The following DGKZ variants were observed in gnomAD, a reference collection of about 807,000 sequenced individuals.
The protein encoded by DGKZ is DAG kinase zeta.
A neutral mutation model predicts 142.5 loss-of-function variants in DGKZ; 45 were observed. The observed-to-expected ratio is 0.32, with a 90% CI of 0.25 to 0.40. The LOEUF is 0.40. Ranked by LOEUF, DGKZ falls within the 10% of genes least tolerant of loss-of-function variation. The probability of loss-of-function intolerance (pLI) is 1.00; values close to 1 mark genes in which losing one functional copy is unlikely to be tolerated. For synonymous variants in DGKZ, 442 were observed against 527.0 expected, an observed-to-expected ratio of 0.84 and a Z score of 2.21; for missense variants, 755 against 1,306.5, an observed-to-expected ratio of 0.58 and a Z score of 6.51.
intron 22 of DGKZ, 58 bp downstream of exon 22, chr11:46,376,203 G>C (rs1944509533): frequency 6.2e-7 from 1 of 1,607,510 alleles, no homozygotes; most frequent in Non-Finnish European, 8.5e-7. Flanking sequence ...AGTGAGGCCA[G>C]GCCTCTTCCT....
Position 46,367,580 on chromosome 11 carries a change from G to T in DGKZ, c.271-72G>T. ...GAGTGGGTTTGTCTTGGGAGAGGGC[G>T]GGTGGGCGGGGGCTGATGGGAGGGA... On this transcript the variant is annotated intron_variant, in intron 2 of 30. Coordinates refer to ENST00000527911, the Ensembl canonical transcript of DGKZ. This position sits in a 1 kb window ranked among gnomAD's most constrained non-coding sequence, Gnocchi z 4.1. 1 of 1,228,532 alleles carries T rather than the reference G, an allele frequency of 8.1e-7. No homozygotes were observed. The highest frequency in any genetic ancestry group is 1.1e-6 in the Non-Finnish European group (1 of 913,954). 76.1% of individuals were successfully genotyped at this position (1,228,532 alleles called of 1,614,324 possible).
chr11:46,334,337 C>T (rs1939907044), intron 1 of DGKZ, among the ~76,000 whole-genome samples: 1 of 152,224 alleles, frequency 6.6e-6, no homozygotes. Flanking sequence ...AGAGTGACCT[C>T]CCCTGGAGAG....
At chr11:46,374,525 C>T in intron 16 of DGKZ, 71 bp downstream of exon 16, 1 of 1,611,864 alleles carries the variant, frequency 6.2e-7, no homozygotes, top group South Asian at 1.1e-5. Flanking sequence ...CCTGTGTCCA[C>T]CAGGCCCCAG....
intron 1 of DGKZ, among the ~76,000 whole-genome samples, chr11:46,352,748 C>T (rs1185777846): frequency 1.3e-5 from 2 of 152,212 alleles, no homozygotes; most frequent in Non-Finnish European, 2.9e-5. Context: ...TTCTTCCGCT[C>T]CCCGAGTTCC....
intron 1 of DGKZ, among the ~76,000 whole-genome samples, chr11:46,334,569 T>A (rs1237987348): frequency 6.6e-6 from 1 of 152,106 alleles, no homozygotes; most frequent in East Asian, 1.9e-4. Flanking sequence ...CAGGGCTCCA[T>A]CACTTGGGGG....
At chr11:46,368,294 C>T (rs1943556968) in intron 4 of DGKZ, 4 of 639,922 alleles carry the variant, frequency 6.3e-6, no homozygotes, top group Non-Finnish European at 1.2e-5. Context: ...ACAAACCTGG[C>T]GCCTAGTGGG....
At chr11:46,365,049 G>A (rs1943094795) in intron 1 of DGKZ, 2 of 985,328 alleles carry the variant, frequency 2.0e-6, no homozygotes, top group South Asian at 9.4e-5. Context: ...GTTAGGAGAG[G>A]TAGGGCACAG....
At chr11:46,366,759 C>CATATA in intron 1 of DGKZ, 1 of 1,549,964 alleles carries the variant, frequency 6.5e-7, no homozygotes, top group Non-Finnish European at 8.7e-7. Context: ...CACCTGCTCC[C>CATATA]CGCGGATGCC....
intron 6 of DGKZ, among the ~76,000 whole-genome samples, chr11:46,370,969 C>T (rs1406966899): frequency 3.9e-5 from 6 of 152,018 alleles, no homozygotes; most frequent in African/African-American, 9.7e-5. Context: ...CCTGTAATCC[C>T]GGCCACTCAG....
In DGKZ at chr11:46,375,685, C is replaced by G. The variant is rs1363976670; in HGVS notation, c.1910+54C>G. On this transcript the variant is annotated intron_variant, in intron 20 of 30. Transcript: ENST00000527911. ...GTGCCAAGGCCAGACCCTGCCCTCT[C>G]TGGGCCTTGATTTCCCCATCTGTAA... 10 of 1,520,068 alleles carry G rather than the reference C, an allele frequency of 6.6e-6. No homozygotes were observed. In the Admixed American group the frequency reaches 9.9e-5, roughly 15 times the overall value. 94.2% of individuals were successfully genotyped at this position (1,520,068 alleles called of 1,614,324 possible). A position where few individuals can be genotyped will look rare whatever the true frequency, so the allele number is the denominator to read the frequency against.
In DGKZ at chr11:46,365,748, C is replaced by T; in HGVS notation, c.162-1543C>T. On this transcript the variant is annotated intron_variant, in intron 1 of 30. Transcript: ENST00000527911. ...CATGAGGGGACACCTAACCTGCCCC[C>T]ACCATGTTGGTGGCAAAACAAAGGC... 4 of 985,438 alleles carry T rather than the reference C, an allele frequency of 4.1e-6. No homozygotes were observed. In the South Asian group the frequency reaches 1.4e-4, roughly 35 times the overall value. The allele number at this position is 985,438 out of a possible 1,614,324, so 61.0% of individuals were successfully genotyped here. A position where few individuals can be genotyped will look rare whatever the true frequency, so the allele number is the denominator to read the frequency against.
chr11:46,366,378 A>G, intron 1 of DGKZ: 2 of 1,521,982 alleles, frequency 1.3e-6, no homozygotes, highest in South Asian at 1.2e-5. Flanking sequence ...CCCGCTGGGC[A>G]GGCCTCCTCC....
At chr11:46,334,790 C>A (rs1043540918) in intron 1 of DGKZ, among the ~76,000 whole-genome samples, 57 of 152,144 alleles carry the variant, frequency 3.7e-4, no homozygotes, top group African/African-American at 1.3e-3. Context: ...GTATGAATGT[C>A]CCCCTGGGGC....
intron 1 of DGKZ, among the ~76,000 whole-genome samples, chr11:46,355,688 G>A (rs1941936708): frequency 6.6e-6 from 1 of 152,202 alleles, no homozygotes; most frequent in Non-Finnish European, 1.5e-5. Context: ...TGGGGCCCTG[G>A]GGGCTGATGG....
chr11:46,379,376 C>T lies in DGKZ; in HGVS notation c.2574-78C>T, dbSNP rs1944950863. 3.8e-6 allele frequency: 6 copies of T among 1,566,584 alleles called. No homozygotes were observed. The Admixed American group carries it at 5.2e-5, about 14-fold the overall frequency. Reference sequence around the variant, plus strand: ...TGGGCCACCCCTATTGCCCCAGAGCCCTGAACTTCCTGCCCTTTCTGATGG... The same window carrying T: ...TGGGCCACCCCTATTGCCCCAGAGCTCTGAACTTCCTGCCCTTTCTGATGG... On this transcript the variant is annotated intron_variant, in intron 29 of 30. Transcript: ENST00000527911.
In DGKZ at chr11:46,372,542, TG is replaced by T. The variant is rs770095714; in HGVS notation, c.1010+39del. ...ACTTGCCAAGGTTTTGTGGGGGACA[TG>T]GGGGGGAACTTGCCTCACTCCTGGG... is the stretch of plus-strand genomic sequence containing the variant. On this transcript the variant is annotated intron_variant, in intron 11 of 30. Coordinates refer to ENST00000527911, the Ensembl canonical transcript of DGKZ. This position sits in a 1 kb window ranked among gnomAD's most constrained non-coding sequence, Gnocchi z 5.9. The T allele has an allele frequency of 2.0e-5, 33 of 1,613,574 alleles. No homozygotes were observed. Among genetic ancestry groups the T allele is most frequent in the African/African-American group, 5.3e-5 (4 of 74,878 alleles).
chr11:46,370,406 C>G (rs1035687594), intron 6 of DGKZ, among the ~76,000 whole-genome samples: 1 of 152,246 alleles, frequency 6.6e-6, no homozygotes, highest in African/African-American at 2.4e-5. Flanking sequence ...CTAACCCAGT[C>G]CACAGTTGTT....
chr11:46,335,449 A>ACG (rs1554938960), intron 1 of DGKZ, among the ~76,000 whole-genome samples: 7 of 152,150 alleles, frequency 4.6e-5, no homozygotes, highest in African/African-American at 1.7e-4. Context: ...ACACACACAC[A>ACG]CACACGCACA....
chr11:46,352,309 C>T (rs1941489292), intron 1 of DGKZ, among the ~76,000 whole-genome samples: 1 of 152,228 alleles, frequency 6.6e-6, no homozygotes, highest in Admixed American at 6.5e-5. Context: ...CACAAGGGGG[C>T]GACAGCTGCC....
Sources: allele counts gnomAD v4.1 joint callset (sites outside exome capture counted in the v4.1 genomes callset), GRCh38; gene constraint gnomAD v4.1.1; non-coding constraint Gnocchi (gnomAD v3.1); transcripts MANE v1.5; gene names NCBI Gene and HGNC (gene_info 2026-07-23, HGNC 2026-07-21).